Variants in RNF152 observed in about 807,000 individuals in gnomAD.
The protein encoded by RNF152 is E3 ubiquitin-protein ligase RNF152.
In RNF152, 11 loss-of-function variants were observed where a neutral mutation model predicts 12.7. The ratio of observed to expected loss-of-function variants is 0.86; its 90% CI spans 0.54 to 1.43. The LOEUF (loss-of-function observed/expected upper bound fraction) is 1.43. RNF152 is among the 40% of genes most tolerant of loss of function. The pLI is 0.00. For synonymous variants in RNF152, 113 were observed against 120.3 expected (o/e 0.94, Z 0.40); for missense variants, 255 against 274.8 (o/e 0.93, Z 0.51).
intron 1 of RNF152, among the ~76,000 whole-genome samples, chr18:61,864,457 C>T (rs1304416021): frequency 6.6e-6 from 1 of 152,160 alleles, no homozygotes; most frequent in Non-Finnish European, 1.5e-5. Flanking sequence ...ACAGAGCTTC[C>T]ATGACCTCTT....
intron 1 of RNF152, among the ~76,000 whole-genome samples, chr18:61,872,118 T>A (rs7241508): frequency 0.17 from 25,358 of 152,046 alleles, 2,455 homozygotes; most frequent in African/African-American, 0.25. Flanking sequence ...GGAACAGGCA[T>A]CTTACATGGC....
intron 1 of RNF152, among the ~76,000 whole-genome samples, chr18:61,883,454 G>GT (rs1207697580): frequency 1.3e-5 from 2 of 152,110 alleles, no homozygotes; most frequent in African/African-American, 4.8e-5. Flanking sequence ...AGGCTACAAT[G>GT]TTTTTTCCCA....
chr18:61,866,163 C>T (rs959274403), intron 1 of RNF152, among the ~76,000 whole-genome samples: 1 of 152,122 alleles, frequency 6.6e-6, no homozygotes, highest in Non-Finnish European at 1.5e-5. Flanking sequence ...AACCCCTGCC[C>T]AAATCATCAC....
chr18:61,844,231 C>G (rs115145233), intron 1 of RNF152, among the ~76,000 whole-genome samples: 15 of 74,452 alleles, frequency 2.0e-4, no homozygotes, highest in African/African-American at 8.0e-4. Context: ...AGGAGGGAGA[C>G]GGGAGGGGAG....
chr18:61,875,912 A>C (rs746399419), intron 1 of RNF152, among the ~76,000 whole-genome samples: 28 of 151,832 alleles, frequency 1.8e-4, no homozygotes, highest in Non-Finnish European at 2.9e-4. Context: ...GATGACTGCC[A>C]GATTAAGCTT....
rs138799418 is a variant in RNF152 at position 61,812,722 on chromosome 18, A to G, written c.*3130T>C. On this transcript the variant is annotated 3_prime_UTR_variant, in exon 2 of 2. Transcript: ENST00000312828. ...AGTGGGGTGGGAGGTTTGGACACCAATGTTTTACAATTTTAAAAATTCAAA... is the reference window on the plus strand; with the variant it reads ...AGTGGGGTGGGAGGTTTGGACACCAGTGTTTTACAATTTTAAAAATTCAAA... The G allele has an allele frequency of 6.5e-4, 99 of 152,290 alleles. No individual in the cohort carries two copies. Among genetic ancestry groups the G allele is most frequent in the African/African-American group, 2.2e-3 (92 of 41,546 alleles). 9.4% of individuals were successfully genotyped at this position (152,290 alleles called of 1,614,324 possible). A position where few individuals can be genotyped will look rare whatever the true frequency, so the allele number is the denominator to read the frequency against.
At chr18:61,863,783 AT>A (rs1911603203) in intron 1 of RNF152, among the ~76,000 whole-genome samples, 1 of 152,174 alleles carries the variant, frequency 6.6e-6, no homozygotes, top group Non-Finnish European at 1.5e-5. Flanking sequence ...GACTGGACAA[AT>A]CTCTTCCCCA....
intron 1 of RNF152, among the ~76,000 whole-genome samples, chr18:61,887,607 G>A (rs978853001): frequency 1.3e-5 from 2 of 151,284 alleles, no homozygotes; most frequent in Admixed American, 6.6e-5. Flanking sequence ...GGCTGAGGCA[G>A]GAGAATAGTT....
At chr18:61,894,411 A>C (rs1242254647), upstream of RNF152, among the ~76,000 whole-genome samples, 1 of 151,668 alleles carries the variant, frequency 6.6e-6, no homozygotes, top group Admixed American at 6.6e-5. The surrounding 1 kb of genome is among the most constrained non-coding windows in gnomAD (Gnocchi z 4.9). Flanking sequence ...CACCGCCGCC[A>C]GGCGCTCGGC....
In RNF152 at chr18:61,886,824, T is replaced by C. The variant is rs568747260; in HGVS notation, c.-136+5971A>G. Among the ~76,000 whole-genome samples, 131 of 152,354 alleles carry C rather than the reference T, an allele frequency of 8.6e-4. 1 individual carries two copies. The highest frequency in any genetic ancestry group is 2.9e-3 in the African/African-American group (120 of 41,582). ...TCGTAGGTGATAATACAAGACAATCTATGACAAGTGGCCTTTGTAGAATGA... is the reference window on the plus strand; with the variant it reads ...TCGTAGGTGATAATACAAGACAATCCATGACAAGTGGCCTTTGTAGAATGA... On this transcript the variant is annotated intron_variant, in intron 1 of 1. Transcript: ENST00000312828.
intron 1 of RNF152, among the ~76,000 whole-genome samples, chr18:61,852,305 T>C (rs1316057461): frequency 1.3e-5 from 2 of 152,236 alleles, no homozygotes; most frequent in African/African-American, 2.4e-5. Flanking sequence ...CCCTCACTAC[T>C]GCTTTTTTAA....
At chr18:61,843,109 G>A (rs1568274566) in intron 1 of RNF152, among the ~76,000 whole-genome samples, 1 of 152,178 alleles carries the variant, frequency 6.6e-6, no homozygotes, top group Non-Finnish European at 1.5e-5. Flanking sequence ...CCGGGTATTT[G>A]ACAACCTGCT....
At chr18:61,864,508 G>A (rs908125871) in intron 1 of RNF152, among the ~76,000 whole-genome samples, 1 of 152,148 alleles carries the variant, frequency 6.6e-6, no homozygotes, top group Non-Finnish European at 1.5e-5. Context: ...AGTGTTCACC[G>A]ACCAGAACCC....
chr18:61,866,231 A>AACC (rs1433758623), intron 1 of RNF152, among the ~76,000 whole-genome samples: 1 of 151,954 alleles, frequency 6.6e-6, no homozygotes, highest in Non-Finnish European at 1.5e-5. Context: ...CCAACCATCC[A>AACC]ACCTACTGCT....
intron 1 of RNF152, among the ~76,000 whole-genome samples, chr18:61,881,201 C>T (rs531649664): frequency 3.3e-5 from 5 of 152,260 alleles, no homozygotes; most frequent in East Asian, 3.9e-4. Flanking sequence ...TGTGATCCAC[C>T]GCACCCGGCC....
At chr18:61,843,309 T>C (rs1056135872) in intron 1 of RNF152, among the ~76,000 whole-genome samples, 1 of 152,230 alleles carries the variant, frequency 6.6e-6, no homozygotes, top group Non-Finnish European at 1.5e-5. Flanking sequence ...TAGGCCTCAC[T>C]AAATTAGATA....
rs1352225072 is a variant in RNF152, at chr18:61,845,433, C to T, written c.-135-28835G>A. Among the ~76,000 whole-genome samples, 4 of 152,330 alleles carry T rather than the reference C, an allele frequency of 2.6e-5. No homozygotes were observed. The East Asian group carries it at 5.8e-4, about 22-fold the overall frequency. Reference sequence around the variant, plus strand: ...GGCACGCAGAGCAAACCACTCAGGCCGCCGCTGCTCAAACTGACTCAGCCA... The same window carrying T: ...GGCACGCAGAGCAAACCACTCAGGCTGCCGCTGCTCAAACTGACTCAGCCA... On this transcript the variant is annotated intron_variant, in intron 1 of 1. Coordinates refer to ENST00000312828, the MANE Select transcript of RNF152 (RefSeq NM_173557.3).
intron 1 of RNF152, among the ~76,000 whole-genome samples, chr18:61,834,074 G>T (rs945082600): frequency 2.0e-5 from 3 of 152,248 alleles, no homozygotes; most frequent in African/African-American, 7.2e-5. Context: ...TGGAGCAAAA[G>T]ATGTGACCCC....
At chr18:61,853,167 G>A (rs2144698237) in intron 1 of RNF152, among the ~76,000 whole-genome samples, 1 of 152,280 alleles carries the variant, frequency 6.6e-6, no homozygotes, top group South Asian at 2.1e-4. Context: ...GCAGCTTAAA[G>A]CAACATGAAT....
Sources: allele counts gnomAD v4.1 joint callset (sites outside exome capture counted in the v4.1 genomes callset), GRCh38; gene constraint gnomAD v4.1.1; non-coding constraint Gnocchi (gnomAD v3.1); transcripts MANE v1.5; gene names NCBI Gene and HGNC (gene_info 2026-07-23, HGNC 2026-07-21).